The following CMIP variants were observed in gnomAD, a reference collection of about 807,000 sequenced individuals.
The protein encoded by CMIP is C-Maf-inducing protein.
CMIP carries 13 observed loss-of-function variants against 97.3 expected under a neutral mutation model. The ratio of observed to expected loss-of-function variants is 0.13; its 90% CI spans 0.09 to 0.21. The LOEUF (loss-of-function observed/expected upper bound fraction) is 0.21, where lower values mean the gene tolerates loss of function less well. CMIP is among the 10% of genes least tolerant of loss of function. The pLI, the probability that CMIP is intolerant of heterozygous loss-of-function variation, is 1.00. For synonymous variants in CMIP, 538 were observed against 436.3 expected (o/e 1.23, Z -2.91); for missense variants, 847 against 1,024.9 (o/e 0.83, Z 2.37).
chr16:81,451,617 G>A (rs1597442545), intron 1 of CMIP, among the ~76,000 whole-genome samples: 2 of 152,194 alleles, frequency 1.3e-5, no homozygotes, highest in South Asian at 4.1e-4. Context: ...ATTGCTACCT[G>A]GAGTCATGCT....
chr16:81,579,457 A>G (rs1172354095), intron 1 of CMIP, among the ~76,000 whole-genome samples: 1 of 152,170 alleles, frequency 6.6e-6, no homozygotes, highest in Non-Finnish European at 1.5e-5. Context: ...CCTGCCCCTT[A>G]GTGTCATGTT....
chr16:81,524,797 C>CTTT (rs35008790), intron 1 of CMIP, among the ~76,000 whole-genome samples: 1 of 144,720 alleles, frequency 6.9e-6, no homozygotes, highest in East Asian at 2.0e-4. Flanking sequence ...TCTTTTCTTT[C>CTTT]TTTTTTTTTT....
intron 1 of CMIP, among the ~76,000 whole-genome samples, chr16:81,508,233 C>T (rs1327029537): frequency 6.6e-6 from 1 of 152,208 alleles, no homozygotes; most frequent in Non-Finnish European, 1.5e-5. Context: ...GGTGAAAAGT[C>T]CCTCTTGCCC....
At chr16:81,693,826 C>G (rs1906393219) in intron 13 of CMIP, among the ~76,000 whole-genome samples, 1 of 152,202 alleles carries the variant, frequency 6.6e-6, no homozygotes, top group Admixed American at 6.5e-5. Context: ...ATGTGAATCA[C>G]TGGGCAGAGC....
chr16:81,679,891 C>G (rs1166816195), intron 10 of CMIP, among the ~76,000 whole-genome samples: 1 of 152,196 alleles, frequency 6.6e-6, no homozygotes, highest in Non-Finnish European at 1.5e-5. Flanking sequence ...CTGCCCCCCA[C>G]AGAGCCATGT....
chr16:81,664,150 T>G (rs909464158), intron 6 of CMIP, 119 bp from the exon 7 acceptor site: 11 of 826,060 alleles, frequency 1.3e-5, no homozygotes, highest in Non-Finnish European at 2.1e-5. Flanking sequence ...GCAGCCGTGT[T>G]CATCAAGGGA....
intron 1 of CMIP, among the ~76,000 whole-genome samples, chr16:81,479,010 C>T (rs1290387383): frequency 2.0e-5 from 3 of 152,168 alleles, no homozygotes; most frequent in Non-Finnish European, 2.9e-5. Context: ...CTTTGCTGGA[C>T]GCCTAGGAGA....
intron 11 of CMIP, among the ~76,000 whole-genome samples, chr16:81,692,253 G>T (rs759459750): frequency 6.6e-6 from 1 of 152,196 alleles, no homozygotes; most frequent in Admixed American, 6.5e-5. Context: ...AGCATTGCTC[G>T]CTGTGCCGTA....
chr16:81,675,022 A>G (rs1388568652), intron 9 of CMIP, among the ~76,000 whole-genome samples: 1 of 152,192 alleles, frequency 6.6e-6, no homozygotes, highest in East Asian at 1.9e-4. Flanking sequence ...TGCCATTCTG[A>G]TTTAATTAGG....
chr16:81,546,487 C>G (rs920263361), intron 1 of CMIP, among the ~76,000 whole-genome samples: 2 of 152,150 alleles, frequency 1.3e-5, no homozygotes, highest in Non-Finnish European at 2.9e-5. Context: ...AGAAGAGGCT[C>G]TCAGTTGCAG....
chr16:81,634,000 C>A (rs2092201328), intron 3 of CMIP, among the ~76,000 whole-genome samples: 1 of 152,236 alleles, frequency 6.6e-6, no homozygotes, highest in Non-Finnish European at 1.5e-5. Context: ...GCACTGCAGA[C>A]CCAGGGATTT....
At chr16:81,636,944 G>A (rs1354429577) in intron 3 of CMIP, among the ~76,000 whole-genome samples, 2 of 151,692 alleles carry the variant, frequency 1.3e-5, no homozygotes, top group African/African-American at 4.9e-5. Flanking sequence ...AGCATGTTGT[G>A]CAGGTGGAAT....
chr16:81,497,930 C>G (rs2089522501), intron 1 of CMIP, among the ~76,000 whole-genome samples: 1 of 152,278 alleles, frequency 6.6e-6, no homozygotes, highest in South Asian at 2.1e-4. Context: ...AGAGGCTTCT[C>G]CAGGCAGTGC....
intron 1 of CMIP, among the ~76,000 whole-genome samples, chr16:81,454,537 G>A (rs1906428977): frequency 6.6e-6 from 1 of 152,216 alleles, no homozygotes; most frequent in Non-Finnish European, 1.5e-5. Context: ...AACCGATGTG[G>A]GAAATTGAAT....
intron 2 of CMIP, chr16:81,611,290 G>A (rs1047032157): frequency 3.9e-5 from 6 of 152,242 alleles, no homozygotes; most frequent in African/African-American, 1.4e-4. Flanking sequence ...TCATACTGCA[G>A]GCACCTGAGC....
chr16:81,512,763 G>A (rs1473870137), intron 1 of CMIP, among the ~76,000 whole-genome samples: 2 of 151,896 alleles, frequency 1.3e-5, no homozygotes, highest in Non-Finnish European at 2.9e-5. Context: ...TTGAGACAGA[G>A]TCTTACTCTG....
intron 1 of CMIP, among the ~76,000 whole-genome samples, chr16:81,460,370 C>T (rs1906831659): frequency 6.6e-6 from 1 of 152,172 alleles, no homozygotes; most frequent in Admixed American, 6.5e-5. Context: ...GCAGTCATGT[C>T]ACTCCCTCTA....
intron 1 of CMIP, among the ~76,000 whole-genome samples, chr16:81,546,119 T>C (rs778252348): frequency 1.3e-5 from 2 of 152,194 alleles, no homozygotes; most frequent in Non-Finnish European, 2.9e-5. Context: ...TCACCCTGGT[T>C]CTTACGAGTT....
intron 1 of CMIP, among the ~76,000 whole-genome samples, chr16:81,504,424 C>G (rs567234553): frequency 1.3e-5 from 2 of 152,104 alleles, no homozygotes; most frequent in African/African-American, 4.8e-5. Context: ...AGGTGGATCA[C>G]TTGAGGTCAA....
Sources: allele counts gnomAD v4.1 joint callset (sites outside exome capture counted in the v4.1 genomes callset), GRCh38; gene constraint gnomAD v4.1.1; transcripts MANE v1.5; gene names NCBI Gene and HGNC (gene_info 2026-07-23, HGNC 2026-07-21).